The following GRXCR2 variants were observed in gnomAD, a reference collection of about 807,000 sequenced individuals.
GRXCR2 encodes the protein glutaredoxin domain-containing cysteine-rich protein 2.
In GRXCR2, 23 loss-of-function variants were observed where a neutral mutation model predicts 24.8. That is an observed-to-expected ratio of 0.93 (90% CI 0.67 to 1.32). The LOEUF (loss-of-function observed/expected upper bound fraction) is 1.32, where lower values mean the gene tolerates loss of function less well. Ranked by LOEUF, GRXCR2 falls within the 40% of genes most tolerant of loss-of-function variation. The pLI is 0.00. For synonymous variants in GRXCR2, 130 were observed against 116.1 expected, an observed-to-expected ratio of 1.12 and a Z score of -0.77; for missense variants, 315 against 303.4, an observed-to-expected ratio of 1.04 and a Z score of -0.28.
At chr5:145,881,148 C>T (rs994101004) in intron 2 of GRXCR2, among the ~76,000 whole-genome samples, 1 of 152,176 alleles carries the variant, frequency 6.6e-6, no homozygotes, top group Non-Finnish European at 1.5e-5. Flanking sequence ...CTCACCACTC[C>T]TATTTAACAT....
intron 1 of GRXCR2, 71 bp from the exon 2 acceptor site, chr5:145,866,799 A>G (rs1756445831): frequency 1.1e-6 from 1 of 946,216 alleles, no homozygotes; most frequent in Non-Finnish European, 1.7e-6. Context: ...GAACCTGTCC[A>G]ACATACCAGG....
rs144030608 is a variant in GRXCR2, at chr5:145,866,270, C to T, written c.564+231G>A. On this transcript the variant is annotated intron_variant, in intron 2 of 2. Coordinates refer to ENST00000377976, the MANE Select transcript of GRXCR2 (RefSeq NM_001080516.2). ...TATTTAATCAGATCTAAAAAGAAGT[C>T]AGCCAAAAAATTAAAAATTTAGAGT... is the stretch of plus-strand genomic sequence containing the variant. Among the ~76,000 whole-genome samples the T allele has an allele frequency of 5.3e-5, 8 of 152,150 alleles. No homozygotes were observed. The East Asian group carries it at 1.5e-3, about 29-fold the overall frequency.
upstream of GRXCR2, among the ~76,000 whole-genome samples, chr5:145,877,566 A>G (rs1421828865): frequency 6.6e-6 from 1 of 152,254 alleles, no homozygotes; most frequent in Non-Finnish European, 1.5e-5. Context: ...TAGAATTTAT[A>G]TTATAAAACT....
chr5:145,914,245 C>A (rs1757204769), intron 2 of GRXCR2, among the ~76,000 whole-genome samples: 1 of 152,078 alleles, frequency 6.6e-6, no homozygotes, highest in South Asian at 2.1e-4. Context: ...TACACTTCAA[C>A]AAGCAGCTGT....
intron 1 of GRXCR2, 151 bp downstream of exon 1, chr5:145,872,482 C>T (rs1178586803): frequency 1.6e-5 from 9 of 567,220 alleles, no homozygotes; most frequent in African/African-American, 3.7e-5. Context: ...CAGAAATATT[C>T]GTCTAATAAC....
At chr5:145,874,437 C>T (rs955055677), upstream of GRXCR2, among the ~76,000 whole-genome samples, 4 of 152,000 alleles carry the variant, frequency 2.6e-5, no homozygotes, top group African/African-American at 9.7e-5. Flanking sequence ...CTCTTGACCT[C>T]GTGATCCGCC....
intron 2 of GRXCR2, among the ~76,000 whole-genome samples, chr5:145,888,095 T>G (rs1365189285): frequency 6.6e-6 from 1 of 152,220 alleles, no homozygotes. Flanking sequence ...ACTGAAAGCA[T>G]GCATTATGTC....
chr5:145,872,899 A>G lies in GRXCR2; in HGVS notation c.70T>C (p.Ser24Pro). ...AATACTCGACCGCTGTAGGAGGAGGAGATTTTAAATCGTACTTTCCGGGGT... is the reference window on the plus strand; with the variant it reads ...AATACTCGACCGCTGTAGGAGGAGGGGATTTTAAATCGTACTTTCCGGGGT... Reference protein sequence around the residue: ...GKPRKVRFKISSSYSGRVLKQ... With the variant: ...GKPRKVRFKIPSSYSGRVLKQ... The change falls in exon 1 of 3, where the codon TCC becomes CCC. Residue 24 changes from serine (S) to proline (P), a missense_variant. Physicochemically the swap from Ser to Pro is moderately conservative, Grantham distance 74. Transcript: ENST00000377976. The G allele has an allele frequency of 6.2e-7, 1 of 1,614,184 alleles. No individual in the cohort carries two copies. Among genetic ancestry groups the G allele is most frequent in the Non-Finnish European group, 8.5e-7 (1 of 1,180,022 alleles).
chr5:145,925,161 G>A (rs565196694), intron 2 of GRXCR2, among the ~76,000 whole-genome samples: 1 of 152,240 alleles, frequency 6.6e-6, no homozygotes, highest in South Asian at 2.1e-4. Context: ...ACCAAGCACA[G>A]CATGTTTAAG....
At chr5:145,897,347 T>C (rs1756965882) in intron 2 of GRXCR2, among the ~76,000 whole-genome samples, 1 of 151,498 alleles carries the variant, frequency 6.6e-6, no homozygotes, top group Non-Finnish European at 1.5e-5. Flanking sequence ...CTAAAAGACT[T>C]AAACAGCCAC....
Position 145,866,710 on chromosome 5 carries a change from A to C in GRXCR2, c.355T>G (p.Phe119Val), listed in dbSNP as rs747417642. The C allele has an allele frequency of 6.2e-7, 1 of 1,607,350 alleles. No homozygotes were observed. The highest frequency in any genetic ancestry group is 1.1e-5 in the South Asian group (1 of 90,898). ...NDHKPLPIID[F>V]GKIIIYTNNL... ...TTAGTGTAGATGATTATCTTTCCAA[A>C]ATCTATAATAGGTAGGGGCTAGAGA... The change falls in exon 2 of 3, where the codon TTT (phenylalanine) becomes GTT (valine). Residue 119 changes from phenylalanine to valine, a missense_variant. Transcript: ENST00000377976.
chr5:145,900,314 GC>G (rs1757007780), intron 2 of GRXCR2, among the ~76,000 whole-genome samples: 1 of 152,054 alleles, frequency 6.6e-6, no homozygotes. Context: ...TGTAAGATGT[GC>G]CTGCTTCCTC....
At chr5:145,892,010 C>T (rs949180208) in intron 2 of GRXCR2, among the ~76,000 whole-genome samples, 2 of 152,120 alleles carry the variant, frequency 1.3e-5, no homozygotes, top group Admixed American at 6.6e-5. Flanking sequence ...ACTGCTGATA[C>T]CCAGGCAAAC....
intron 2 of GRXCR2, among the ~76,000 whole-genome samples, chr5:145,929,321 T>C (rs1427009424): frequency 1.3e-5 from 2 of 151,360 alleles, no homozygotes; most frequent in Non-Finnish European, 2.9e-5. Context: ...TGGATACATA[T>C]CTGTTATGTT....
chr5:145,929,900 C>G (rs1757456964), intron 2 of GRXCR2, among the ~76,000 whole-genome samples: 1 of 152,024 alleles, frequency 6.6e-6, no homozygotes, highest in African/African-American at 2.4e-5. Flanking sequence ...ACAATCACTT[C>G]CGTTTCTTTA....
At position 145,872,623 on chromosome 5, in the gene GRXCR2, C is replaced by T. The variant is rs1756550106; in HGVS notation, c.336+10G>A. 1 of 1,578,154 alleles carries T rather than the reference C, an allele frequency of 6.3e-7. No individual in the cohort carries two copies. Among genetic ancestry groups the T allele is most frequent in the Non-Finnish European group, 8.6e-7 (1 of 1,160,392 alleles). ...ACCCTTAAAGCCTATATGCCATGCA[C>T]AATACCAACCTTATGGTCATTCGCC... is the stretch of plus-strand genomic sequence containing the variant. On this transcript the variant is annotated intron_variant, in intron 1 of 2. Transcript: ENST00000377976.
intron 2 of GRXCR2, among the ~76,000 whole-genome samples, chr5:145,892,772 G>A (rs150629006): frequency 0.095 from 14,442 of 152,108 alleles, 1,662 homozygotes; most frequent in African/African-American, 0.28. Flanking sequence ...AATTCAGGAA[G>A]TACAAAGAAT....
Position 145,858,596 on chromosome 5 carries a change from A to T in GRXCR2, c.*1137T>A, listed in dbSNP as rs1445333051. ...ATTGTTAAATTATGTTAAACGCTGA[A>T]TATTAGAGAATAACAAACAAATCTT... is the stretch of plus-strand genomic sequence containing the variant. On this transcript the variant is annotated 3_prime_UTR_variant, in exon 3 of 3. Coordinates refer to ENST00000377976, the MANE Select transcript of GRXCR2 (RefSeq NM_001080516.2). 1 of 152,218 alleles carries T rather than the reference A, an allele frequency of 6.6e-6. No individual in the cohort carries two copies. The highest frequency in any genetic ancestry group is 1.5e-5 in the Non-Finnish European group (1 of 68,040). 9.4% of individuals were successfully genotyped at this position (152,218 alleles called of 1,614,324 possible). A position where few individuals can be genotyped will look rare whatever the true frequency, so the allele number is the denominator to read the frequency against.
intron 2 of GRXCR2, among the ~76,000 whole-genome samples, chr5:145,890,489 G>A (rs2149918744): frequency 6.6e-6 from 1 of 152,226 alleles, no homozygotes; most frequent in Non-Finnish European, 1.5e-5. Flanking sequence ...AGCAGAAAAA[G>A]CAAACAACCT....
Sources: allele counts gnomAD v4.1 joint callset (sites outside exome capture counted in the v4.1 genomes callset), GRCh38; gene constraint gnomAD v4.1.1; transcripts MANE v1.5; gene names NCBI Gene and HGNC (gene_info 2026-07-23, HGNC 2026-07-21).